Variants in TNFRSF25 observed in about 807,000 individuals in gnomAD.
TNFRSF25 encodes the protein TNF receptor superfamily member 25, also known as tumor necrosis factor receptor superfamily member 25.
Under a neutral mutation model 49.4 loss-of-function variants are expected in TNFRSF25, and 28 were observed. That is an observed-to-expected ratio of 0.57 (90% CI 0.42 to 0.78). The LOEUF is 0.78. Among genes scored for constraint, TNFRSF25 ranks in the 30% least tolerant of loss-of-function variants. The pLI, the probability that TNFRSF25 is intolerant of heterozygous loss-of-function variation, is 0.00. For synonymous variants in TNFRSF25, 240 were observed against 234.2 expected (o/e 1.02, Z -0.23); for missense variants, 531 against 581.6 (o/e 0.91, Z 0.90).
In TNFRSF25 at chr1:6,461,688, G is replaced by T. The variant is rs1281817064; in HGVS notation, c.1000C>A (p.Gln334Lys). The change falls in exon 10 of 10, where the codon CAG (glutamine) becomes AAG (lysine). Residue 334 changes from glutamine (Q) to lysine (K), a missense_variant. Coordinates refer to ENST00000356876, the MANE Select transcript of TNFRSF25 (RefSeq NM_003790.3). This position sits in a 1 kb window ranked among gnomAD's most constrained non-coding sequence, Gnocchi z 6.3. ...SPAMMLQPGP[Q>K]LYDVMDAVPA... ...ACCGCGTCCATCACGTCGTAGAGCT[G>T]CGGGCCCGGCTGCAGCATCATGGCT... 1.3e-6 allele frequency: 2 copies of T among 1,581,162 alleles called. No individual in the cohort carries two copies. The highest frequency in any genetic ancestry group is 1.7e-6 in the Non-Finnish European group (2 of 1,169,794).
At position 6,463,192 on chromosome 1, in the gene TNFRSF25, G is replaced by T. The variant is rs375552210; in HGVS notation, c.543-65C>A. The T allele has an allele frequency of 1.2e-3, 1,803 of 1,488,586 alleles. 5 individuals are homozygous for T. The highest frequency in any genetic ancestry group is 1.4e-3 in the Non-Finnish European group (1,523 of 1,094,946). 92.2% of individuals were successfully genotyped at this position (1,488,586 alleles called of 1,614,324 possible). On this transcript the variant is annotated intron_variant, in intron 5 of 9. Coordinates refer to ENST00000356876, the MANE Select transcript of TNFRSF25 (RefSeq NM_003790.3). The stretch of plus-strand genomic sequence containing the variant: ...ATGCCAGGAGGGGCTCCCTAAGACT[G>T]CCCAGCATCTGCTCCATCCTAGAGA...
At chr1:6,464,878 G>A (rs1046381183) in intron 3 of TNFRSF25, among the ~76,000 whole-genome samples, 159 bp from the exon 4 acceptor site, 8 of 152,318 alleles carry the variant, frequency 5.3e-5, no homozygotes, top group African/African-American at 1.9e-4. Flanking sequence ...CAGAGATTAA[G>A]GCCGACCAGA....
At position 6,464,566 on chromosome 1, in the gene TNFRSF25, T is replaced by G. The variant is rs1644283572; in HGVS notation, c.449A>C (p.His150Pro). 6.2e-7 allele frequency: 1 copy of G among 1,614,084 alleles called. No individual in the cohort carries two copies. Among genetic ancestry groups the G allele is most frequent in the Non-Finnish European group, 8.5e-7 (1 of 1,180,008 alleles). Residue 150 changes from histidine (H) to proline (P), a missense_variant, in exon 4 of 10, where the codon CAC (histidine) becomes CCC (proline). Coordinates refer to ENST00000356876, the MANE Select transcript of TNFRSF25 (RefSeq NM_003790.3). ...PCLDCGALHRHTRLLCSRRDT... is the reference protein window; with the variant it reads ...PCLDCGALHRPTRLLCSRRDT... ...GGGGTACTCACAGAGTAGCCGTGTGTGGCGGTGCAGGGCCCCGCAGTCTAG... is the reference window on the plus strand; with the variant it reads ...GGGGTACTCACAGAGTAGCCGTGTGGGGCGGTGCAGGGCCCCGCAGTCTAG...
At position 6,465,447 on chromosome 1, in the gene TNFRSF25, G is replaced by A. The variant is rs752247511; in HGVS notation, c.153C>T (p.Cys51=). 3 of 1,613,972 alleles carry A rather than the reference G, an allele frequency of 1.9e-6. No individual in the cohort carries two copies. Among genetic ancestry groups the A allele is most frequent in the Admixed American group, 3.3e-5 (2 of 60,022 alleles). The change falls in exon 2 of 10, where the codon TGC becomes TGT. Residue 51 remains cysteine (C), a synonymous_variant. Coordinates refer to ENST00000356876, the MANE Select transcript of TNFRSF25 (RefSeq NM_003790.3). ...KKIGLFCCRG[C]PAGHYLKAPC... ...ACCCCTGTGGCCACTTACCCGCTGG[G>A]CAGCCTCTGCAACAAAACAGACCAA...
chr1:6,464,122 T>C, intron 5 of TNFRSF25: 1 of 1,371,386 alleles, frequency 7.3e-7, no homozygotes, highest in East Asian at 2.9e-5. Context: ...ATCTGTAATA[T>C]CTGGCTAGGA....
At chr1:6,465,654 C>T (rs2148566371) in intron 1 of TNFRSF25, 94 bp from the exon 2 acceptor site, 2 of 1,519,872 alleles carry the variant, frequency 1.3e-6, no homozygotes, top group Non-Finnish European at 1.8e-6. Context: ...CAGCATTTGC[C>T]CACAGAGCAG....
Position 6,461,235 on chromosome 1 carries a change from C to T in TNFRSF25, c.*199G>A, listed in dbSNP as rs748663208. ...GCCGAGAAGTTGAGAAATGTCTTCA[C>T]CCCCTCTCGACATTCGTTCGTGCTT... On this transcript the variant is annotated 3_prime_UTR_variant, in exon 10 of 10. Transcript: ENST00000356876. The surrounding 1 kb of genome is among the most constrained non-coding windows in gnomAD (Gnocchi z 6.3). 1.1e-5 allele frequency: 8 copies of T among 746,648 alleles called. No individual in the cohort carries two copies. The highest frequency in any genetic ancestry group is 2.0e-5 in the Admixed American group (1 of 49,932). The allele number at this position is 746,648 out of a possible 1,614,324, so 46.3% of individuals were successfully genotyped here.
intron 5 of TNFRSF25, chr1:6,463,795 G>C (rs1342805612): frequency 6.8e-6 from 1 of 148,146 alleles, no homozygotes; most frequent in Non-Finnish European, 1.5e-5. Flanking sequence ...CTGATCAAAG[G>C]CCTGTGAATT....
chr1:6,461,971 C>T lies in TNFRSF25; in HGVS notation c.925+23G>A, dbSNP rs373344647. The T allele has an allele frequency of 2.5e-6, 4 of 1,586,472 alleles. No homozygotes were observed. The African/African-American group carries it at 4.1e-5, about 16-fold the overall frequency. On this transcript the variant is annotated intron_variant, in intron 9 of 9. Transcript: ENST00000356876. The surrounding 1 kb of genome is among the most constrained non-coding windows in gnomAD (Gnocchi z 6.3). Reference sequence around the variant, plus strand: ...GCAGACAGGAGAATGGGGTCAAGGCCTCAGGCCACTGATGTCCCTTACCAA... The same window carrying T: ...GCAGACAGGAGAATGGGGTCAAGGCTTCAGGCCACTGATGTCCCTTACCAA...
In TNFRSF25 at chr1:6,461,563, C is replaced by CTGCT. The variant is rs1304283353; in HGVS notation, c.1121_1124dup (p.Tyr376AlafsTer52). On this transcript the variant is annotated frameshift_variant, in exon 10 of 10. Coordinates refer to ENST00000356876, the MANE Select transcript of TNFRSF25 (RefSeq NM_003790.3). LOFTEE classifies it high-confidence loss of function. This position sits in a 1 kb window ranked among gnomAD's most constrained non-coding sequence, Gnocchi z 6.3. ...GGCGCCAGCGCTTGAGCATCTCGTACTGCTGGTCTCGGAAGCGGCCGATCT... is the reference window on the plus strand; with the variant it reads ...GGCGCCAGCGCTTGAGCATCTCGTACTGCTTGCTGGTCTCGGAAGCGGCCGATCT... 1 of 1,610,172 alleles carries CTGCT rather than the reference C, an allele frequency of 6.2e-7. No homozygotes were observed. Among genetic ancestry groups the CTGCT allele is most frequent in the Non-Finnish European group, 8.5e-7 (1 of 1,179,462 alleles).
chr1:6,461,714 G>A lies in TNFRSF25; in HGVS notation c.974C>T (p.Pro325Leu). Reference sequence around the variant, plus strand: ...CGGGCCCGGCTGCAGCATCATGGCTGGCGAGCCGGCTGGGGACTCTGGCGA... The same window carrying A: ...CGGGCCCGGCTGCAGCATCATGGCTAGCGAGCCGGCTGGGGACTCTGGCGA... ...TLSPESPAGS[P>L]AMMLQPGPQL... Residue 325 changes from proline to leucine, a missense_variant, in exon 10 of 10, where the codon CCA becomes CTA. Physicochemically the swap from Pro to Leu is moderately conservative, Grantham distance 98. Coordinates refer to ENST00000356876, the MANE Select transcript of TNFRSF25 (RefSeq NM_003790.3). The surrounding 1 kb of genome is among the most constrained non-coding windows in gnomAD (Gnocchi z 6.3). The A allele has an allele frequency of 6.4e-7, 1 of 1,559,376 alleles. No homozygotes were observed. The highest frequency in any genetic ancestry group is 8.6e-7 in the Non-Finnish European group (1 of 1,158,910).
At chr1:6,464,251 G>A (rs970190300) in intron 5 of TNFRSF25, 124 bp downstream of exon 5, 3 of 1,510,258 alleles carry the variant, frequency 2.0e-6, no homozygotes, top group Non-Finnish European at 2.7e-6. Context: ...ACCCATCACA[G>A]GGCCAAGGCT....
chr1:6,464,081 TC>T, intron 5 of TNFRSF25: 1 of 1,260,100 alleles, frequency 7.9e-7, no homozygotes, highest in Non-Finnish European at 1.0e-6. Flanking sequence ...TAAAGCTATA[TC>T]AATGTGACTC....
chr1:6,461,521 G>A lies in TNFRSF25; in HGVS notation c.1167C>T (p.Gly389=), dbSNP rs1397097161. ...CCAGGGCCGCGTAAACGGCTCCGAGGCCCGCGGGCTGCTGCTGGCGCCAGC... is the reference window on the plus strand; with the variant it reads ...CCAGGGCCGCGTAAACGGCTCCGAGACCCGCGGGCTGCTGCTGGCGCCAGC... ...LKRWRQQQPA[G]LGAVYAALER... is the part of the protein sequence containing the mutation. The change falls in exon 10 of 10, where the codon GGC becomes GGT. Residue 389 remains glycine (G), a synonymous_variant. Transcript: ENST00000356876. The surrounding 1 kb of genome is among the most constrained non-coding windows in gnomAD (Gnocchi z 6.3). The A allele has an allele frequency of 1.0e-5, 16 of 1,603,564 alleles. No individual in the cohort carries two copies. The highest frequency in any genetic ancestry group is 1.4e-5 in the Non-Finnish European group (16 of 1,177,370).
At position 6,461,175 on chromosome 1, in the gene TNFRSF25, C is replaced by G; in HGVS notation, c.*259G>C. On this transcript the variant is annotated 3_prime_UTR_variant, in exon 10 of 10. Coordinates refer to ENST00000356876, the MANE Select transcript of TNFRSF25 (RefSeq NM_003790.3). The surrounding 1 kb of genome is among the most constrained non-coding windows in gnomAD (Gnocchi z 6.3). The stretch of plus-strand genomic sequence containing the variant: ...GTTTTTGTTTTGTTTTGTTTTCTTT[C>G]ACAGATTTAATACCGCGATCTCAGC... 2 of 701,454 alleles carry G rather than the reference C, an allele frequency of 2.9e-6. No homozygotes were observed. Among genetic ancestry groups the G allele is most frequent in the Non-Finnish European group, 2.7e-6 (1 of 376,808 alleles). The allele number at this position is 701,454 out of a possible 1,614,324, so 43.5% of individuals were successfully genotyped here.
Position 6,461,479 on chromosome 1 carries a change from G to C in TNFRSF25, c.1209C>G (p.Asp403Glu), listed in dbSNP as rs1308666271. The C allele has an allele frequency of 6.3e-7, 1 of 1,575,764 alleles. No homozygotes were observed. Among genetic ancestry groups the C allele is most frequent in the African/African-American group, 1.3e-5 (1 of 74,316 alleles). The change falls in exon 10 of 10, where the codon GAC (aspartate) becomes GAG (glutamate). Residue 403 changes from aspartate to glutamate, a missense_variant. By Grantham distance (45) the Asp-to-Glu change is conservative (BLOSUM62 2). Coordinates refer to ENST00000356876, the MANE Select transcript of TNFRSF25 (RefSeq NM_003790.3). The surrounding 1 kb of genome is among the most constrained non-coding windows in gnomAD (Gnocchi z 6.3). Reference protein sequence around the residue: ...VYAALERMGLDGCVEDLRSRL... With the variant: ...VYAALERMGLEGCVEDLRSRL... Reference sequence around the variant, plus strand: ...GGCTGCGCAAGTCTTCCACGCAGCCGTCCAGCCCCATGCGCTCCAGGGCCG... The same window carrying C: ...GGCTGCGCAAGTCTTCCACGCAGCCCTCCAGCCCCATGCGCTCCAGGGCCG...
In TNFRSF25 at chr1:6,462,371, TTCC is replaced by T; in HGVS notation, c.745-200_745-198del. 8.6e-7 allele frequency: 1 copy of T among 1,157,036 alleles called. No homozygotes were observed. The highest frequency in any genetic ancestry group is 1.2e-6 in the Non-Finnish European group (1 of 846,322). 71.7% of individuals were successfully genotyped at this position (1,157,036 alleles called of 1,614,324 possible). Reference sequence around the variant, plus strand: ...CCTTGAGTCCCCTGCCCCCGCCTCCTTCCTCTTGTCCCCCAGCACCATGGGGCT... The same window carrying T: ...CCTTGAGTCCCCTGCCCCCGCCTCCTTCTTGTCCCCCAGCACCATGGGGCT... On this transcript the variant is annotated intron_variant, in intron 8 of 9. Coordinates refer to ENST00000356876, the MANE Select transcript of TNFRSF25 (RefSeq NM_003790.3). The surrounding 1 kb of genome is among the most constrained non-coding windows in gnomAD (Gnocchi z 4.2).
Position 6,462,194 on chromosome 1 carries a change from C to T in TNFRSF25, c.745-20G>A. On this transcript the variant is annotated intron_variant, in intron 8 of 9. Transcript: ENST00000356876. This position sits in a 1 kb window ranked among gnomAD's most constrained non-coding sequence, Gnocchi z 4.2. ...GGTGGCCTGGAAGCCAAGAGGGGCC[C>T]CAGGTCAGCCCTGCTTGCCAAGTAA... 6.3e-7 allele frequency: 1 copy of T among 1,585,084 alleles called. No homozygotes were observed. The highest frequency in any genetic ancestry group is 8.6e-7 in the Non-Finnish European group (1 of 1,164,552).
Position 6,465,435 on chromosome 1 carries a change from C to T in TNFRSF25, c.160+5G>A. The stretch of plus-strand genomic sequence containing the variant: ...CATGCCTCTCCCACCCCTGTGGCCA[C>T]TTACCCGCTGGGCAGCCTCTGCAAC... On this transcript the variant is annotated splice_donor_5th_base_variant and intron_variant, in intron 2 of 9. Coordinates refer to ENST00000356876, the MANE Select transcript of TNFRSF25 (RefSeq NM_003790.3). The T allele has an allele frequency of 6.2e-7, 1 of 1,614,002 alleles. No homozygotes were observed. The highest frequency in any genetic ancestry group is 1.1e-5 in the South Asian group (1 of 91,092).
Sources: gnomAD v4.1 joint callset for allele counts (sites outside exome capture counted in the v4.1 genomes callset) on GRCh38, gnomAD v4.1.1 for gene constraint, Gnocchi (gnomAD v3.1) non-coding constraint, MANE v1.5 for transcripts, NCBI Gene and HGNC (gene_info 2026-07-23, HGNC 2026-07-21) for gene names.